Variants in DCC observed in about 807,000 individuals in gnomAD.
DCC encodes DCC netrin 1 receptor, also known as netrin receptor DCC.
A neutral mutation model predicts 172.5 loss-of-function variants in DCC; 58 were observed. The observed-to-expected ratio is 0.34, with a 90% CI of 0.27 to 0.42. The LOEUF (loss-of-function observed/expected upper bound fraction) is 0.42. Ranked by LOEUF, DCC falls within the 10% of genes least tolerant of loss-of-function variation. DCC has a pLI of 1.00. For synonymous variants in DCC, 709 were observed against 644.5 expected, an observed-to-expected ratio of 1.10 and a Z score of -1.52; for missense variants, 1,740 against 1,791.0, an observed-to-expected ratio of 0.97 and a Z score of 0.51.
intron 1 of DCC, among the ~76,000 whole-genome samples, chr18:52,679,209 C>A (rs2035697844): frequency 6.6e-6 from 1 of 151,868 alleles, no homozygotes; most frequent in African/African-American, 2.4e-5. Flanking sequence ...TGAAGGAATG[C>A]ATTATTATAA....
chr18:52,966,741 G>T (rs1315591921), intron 5 of DCC, among the ~76,000 whole-genome samples: 3 of 152,050 alleles, frequency 2.0e-5, no homozygotes, highest in Non-Finnish European at 4.4e-5. Context: ...TTCTCCCTTT[G>T]CCCCTTCAGG....
chr18:53,312,164 A>G (rs2057277463), intron 13 of DCC, among the ~76,000 whole-genome samples: 1 of 143,546 alleles, frequency 7.0e-6, no homozygotes, highest in South Asian at 2.2e-4. Flanking sequence ...AAAAAAAAAA[A>G]AAAAAAAAAA....
At chr18:53,410,264 A>G (rs573284538) in intron 19 of DCC, among the ~76,000 whole-genome samples, 188 bp from the exon 20 acceptor site, 2 of 152,282 alleles carry the variant, frequency 1.3e-5, no homozygotes, top group African/African-American at 4.8e-5. Flanking sequence ...CTGATTCTGT[A>G]CATTGCAGCA....
At chr18:53,340,510 A>T (rs564263621) in intron 15 of DCC, among the ~76,000 whole-genome samples, 1 of 152,208 alleles carries the variant, frequency 6.6e-6, no homozygotes, top group African/African-American at 2.4e-5. Flanking sequence ...CTACCAATCT[A>T]GGTTCTCTTA....
intron 1 of DCC, among the ~76,000 whole-genome samples, chr18:52,496,448 G>C (rs543764371): frequency 1.3e-5 from 2 of 152,122 alleles, no homozygotes; most frequent in African/African-American, 4.8e-5. Context: ...CATCAGAAAA[G>C]TTATTCAGGA....
At chr18:52,806,687 CCTTT>C (rs1310638848) in intron 2 of DCC, among the ~76,000 whole-genome samples, 3 of 152,148 alleles carry the variant, frequency 2.0e-5, no homozygotes, top group Non-Finnish European at 4.4e-5. Flanking sequence ...CCAATTGCCA[CCTTT>C]CTTTCTGTCA....
intron 12 of DCC, among the ~76,000 whole-genome samples, chr18:53,253,582 T>C (rs971349555): frequency 2.6e-5 from 4 of 152,188 alleles, no homozygotes; most frequent in South Asian, 4.1e-4. Flanking sequence ...TCTTTATTAA[T>C]ATTGCCCTTC....
At chr18:53,441,734 A>G (rs1307320892) in intron 22 of DCC, among the ~76,000 whole-genome samples, 2 of 152,164 alleles carry the variant, frequency 1.3e-5, no homozygotes, top group African/African-American at 2.4e-5. Context: ...GAGAACTTCA[A>G]TAACCTCTTA....
At chr18:53,312,153 CAAAAAAAAAAA>C (rs895203731) in intron 13 of DCC, among the ~76,000 whole-genome samples, 6 of 26,734 alleles carry the variant, frequency 2.2e-4, no homozygotes, top group Non-Finnish European at 4.0e-4. Flanking sequence ...GCTAAAAATA[CAAAAAAAAAAA>C]AAAAAAAAAA....
At chr18:53,017,116 C>T (rs139844193) in intron 5 of DCC, among the ~76,000 whole-genome samples, 1,771 of 142,854 alleles carry the variant, frequency 0.012, 26 homozygotes, top group African/African-American at 0.042. Context: ...CTCACTGTTA[C>T]CCAGGCTGGA....
chr18:52,952,313 A>G (rs1420577994), intron 5 of DCC, among the ~76,000 whole-genome samples: 1 of 152,224 alleles, frequency 6.6e-6, no homozygotes, highest in Non-Finnish European at 1.5e-5. Flanking sequence ...CTAAAATGAA[A>G]TGTAAACATC....
intron 7 of DCC, among the ~76,000 whole-genome samples, chr18:53,092,476 T>G (rs2043028161): frequency 6.6e-6 from 1 of 152,204 alleles, no homozygotes; most frequent in Non-Finnish European, 1.5e-5. Context: ...CATCATTTAT[T>G]AAAGCATATA....
At chr18:52,389,051 T>C (rs1452925892) in intron 1 of DCC, among the ~76,000 whole-genome samples, 1 of 152,078 alleles carries the variant, frequency 6.6e-6, no homozygotes, top group Admixed American at 6.6e-5. Context: ...GGGAAGAATA[T>C]GTGTATCCAC....
At chr18:53,198,759 A>T (rs549223203) in intron 9 of DCC, among the ~76,000 whole-genome samples, 30 of 152,314 alleles carry the variant, frequency 2.0e-4, no homozygotes, top group Non-Finnish European at 3.5e-4. Flanking sequence ...ATTGAAATTT[A>T]AAAAAGGTAG....
chr18:53,351,961 C>G (rs2057817925), intron 15 of DCC, among the ~76,000 whole-genome samples: 1 of 151,870 alleles, frequency 6.6e-6, no homozygotes. Context: ...TAAATTTTTT[C>G]AAAGTTAAAT....
At chr18:52,388,685 ATTC>A (rs1985914151) in intron 1 of DCC, among the ~76,000 whole-genome samples, 1 of 151,976 alleles carries the variant, frequency 6.6e-6, no homozygotes, top group African/African-American at 2.4e-5. Flanking sequence ...GGTGAGATGT[ATTC>A]TTTGGACATT....
chr18:53,100,996 T>C (rs923100563), intron 7 of DCC, among the ~76,000 whole-genome samples: 1 of 152,136 alleles, frequency 6.6e-6, no homozygotes, highest in African/African-American at 2.4e-5. Flanking sequence ...CACCCTTTAA[T>C]CCTGTAGCAC....
chr18:52,985,120 A>C (rs942576684), intron 5 of DCC, among the ~76,000 whole-genome samples: 3 of 151,974 alleles, frequency 2.0e-5, no homozygotes, highest in Non-Finnish European at 4.4e-5. Context: ...CTACCACGTA[A>C]CTGTCATTTC....
rs540334133 is a variant in DCC, at chr18:52,629,949, CAAAAAAAAAA to C, written c.92-122087_92-122078del. 6.1e-4 allele frequency among the ~76,000 whole-genome samples: 25 copies of C among 40,904 alleles called. No individual in the cohort carries two copies. In the South Asian group the frequency reaches 7.0e-3, roughly 11 times the overall value. The allele number at this position is 40,904 out of a possible 152,430, so 26.8% of individuals were successfully genotyped here. A position where few individuals can be genotyped will look rare whatever the true frequency, so the allele number is the denominator to read the frequency against. ...TGGGCGACAGAGCAAGACTCCGTCT[CAAAAAAAAAA>C]AAAAAAAAAAAAAAAAATTAGCCAG... On this transcript the variant is annotated intron_variant, in intron 1 of 28. Coordinates refer to ENST00000442544, the MANE Select transcript of DCC (RefSeq NM_005215.4).
Sources: gnomAD v4.1 joint callset for allele counts (sites outside exome capture counted in the v4.1 genomes callset) on GRCh38, gnomAD v4.1.1 for gene constraint, MANE v1.5 for transcripts, NCBI Gene and HGNC (gene_info 2026-07-23, HGNC 2026-07-21) for gene names.